The following EXOSC9 variants were observed in gnomAD, a reference collection of about 807,000 sequenced individuals.
EXOSC9 encodes exosome complex component RRP45.
A neutral mutation model predicts 56.5 loss-of-function variants in EXOSC9; 38 were observed. The observed-to-expected ratio is 0.67, with a 90% CI of 0.52 to 0.88. The LOEUF (loss-of-function observed/expected upper bound fraction) is 0.88, where lower values mean the gene tolerates loss of function less well. Among genes scored for constraint, EXOSC9 ranks in the 40% least tolerant of loss-of-function variants. The pLI is 0.00. For synonymous variants in EXOSC9, 170 were observed against 170.8 expected (o/e 0.99, Z 0.04); for missense variants, 559 against 530.5 (o/e 1.05, Z -0.53).
At chr4:121,816,189 C>T in intron 10 of EXOSC9, 180 bp from the exon 11 acceptor site, 1 of 648,098 alleles carries the variant, frequency 1.5e-6, no homozygotes. Flanking sequence ...GAGTTCCTGA[C>T]CTCAGGTAAT....
At chr4:121,813,449 T>A (rs898128724) in intron 9 of EXOSC9, 69 bp downstream of exon 9, 3 of 1,363,488 alleles carry the variant, frequency 2.2e-6, no homozygotes, top group Non-Finnish European at 3.1e-6. Context: ...TTAGGCTATA[T>A]GAAGGATGTG....
In EXOSC9 at chr4:121,816,852, A is replaced by G; in HGVS notation, c.1316A>G (p.Asn439Ser). Residue 439 changes from asparagine to serine, a missense_variant, in exon 12 of 12, where the codon AAT (asparagine) becomes AGT (serine). Coordinates refer to ENST00000243498, the MANE Select transcript of EXOSC9 (RefSeq NM_005033.3). ...AGAAGAAAAAAGAAGAGAGCTGCCA[A>G]TTAAAGCTAACAGTTGTATATCTGT... The part of the protein sequence containing the change: ...VKRRKKKRAA[N>S] 1 of 1,583,504 alleles carries G rather than the reference A, an allele frequency of 6.3e-7. No homozygotes were observed. The highest frequency in any genetic ancestry group is 8.6e-7 in the Non-Finnish European group (1 of 1,161,986).
At chr4:121,811,438 G>A in intron 7 of EXOSC9, 145 bp from the exon 8 acceptor site, 2 of 473,188 alleles carry the variant, frequency 4.2e-6, no homozygotes, top group Non-Finnish European at 7.6e-6. Context: ...TTCACATCTT[G>A]CCTTAATCTG....
rs1726899355 is a variant in EXOSC9 at position 121,802,590 on chromosome 4, A to G, written c.162-84A>G. 7.4e-6 allele frequency: 10 copies of G among 1,348,044 alleles called. No homozygotes were observed. The South Asian group carries it at 1.2e-4, about 16-fold the overall frequency. 83.5% of individuals were successfully genotyped at this position (1,348,044 alleles called of 1,614,324 possible). On this transcript the variant is annotated intron_variant, in intron 2 of 11. Coordinates refer to ENST00000243498, the MANE Select transcript of EXOSC9 (RefSeq NM_005033.3). ...GCTGAGTATGATATTACTCACATTA[A>G]GATTGAAACTTGTTATCTGTTTCAG...
At chr4:121,814,889 A>G (rs1479868015) in intron 10 of EXOSC9, 1 of 152,328 alleles carries the variant, frequency 6.6e-6, no homozygotes, top group Non-Finnish European at 1.5e-5. Flanking sequence ...GCTGGTCTAT[A>G]TAATAGAATG....
chr4:121,805,699 G>T (rs1726997850), intron 5 of EXOSC9, among the ~76,000 whole-genome samples: 1 of 152,120 alleles, frequency 6.6e-6, no homozygotes, highest in Admixed American at 6.5e-5. Flanking sequence ...TAGTGGGAAT[G>T]TAAAATGGTA....
intron 9 of EXOSC9, 71 bp from the exon 10 acceptor site, chr4:121,813,795 C>G: frequency 8.5e-7 from 1 of 1,169,690 alleles, no homozygotes; most frequent in Non-Finnish European, 1.2e-6. Context: ...AAGAAGAAAA[C>G]TTTCATTCTC....
chr4:121,808,252 G>A (rs1370232841), intron 6 of EXOSC9, among the ~76,000 whole-genome samples: 1 of 133,612 alleles, frequency 7.5e-6, no homozygotes, highest in Non-Finnish European at 1.7e-5. Context: ...ACAAGGACTA[G>A]AGAAACACTT....
At chr4:121,810,972 T>G (rs1727194315) in intron 7 of EXOSC9, among the ~76,000 whole-genome samples, 1 of 152,236 alleles carries the variant, frequency 6.6e-6, no homozygotes, top group Non-Finnish European at 1.5e-5. Flanking sequence ...CCCAGCTATA[T>G]ATCATATTCA....
intron 4 of EXOSC9, among the ~76,000 whole-genome samples, chr4:121,803,384 C>T (rs1578496908): frequency 6.6e-6 from 1 of 152,042 alleles, no homozygotes; most frequent in South Asian, 2.1e-4. Context: ...GGTAGTTTTC[C>T]TTTTTCATGC....
Position 121,801,340 on chromosome 4 carries a change from CG to C in EXOSC9, c.-81del, listed in dbSNP as rs1560620882. ...TTGATGACGTAATTTTCCTGCGCCT[CG>C]GGGCGAGCAGCGGCGCGCAAGGAAA... On this transcript the variant is annotated 5_prime_UTR_variant, in exon 1 of 12. Transcript: ENST00000243498. 7 of 1,351,060 alleles carry C rather than the reference CG, an allele frequency of 5.2e-6. No individual in the cohort carries two copies. The highest frequency in any genetic ancestry group is 6.4e-6 in the Non-Finnish European group (6 of 940,728). 83.7% of individuals were successfully genotyped at this position (1,351,060 alleles called of 1,614,324 possible). A position where few individuals can be genotyped will look rare whatever the true frequency, so the allele number is the denominator to read the frequency against.
chr4:121,802,167 CTAG>C, intron 2 of EXOSC9, among the ~76,000 whole-genome samples: 1 of 152,146 alleles, frequency 6.6e-6, no homozygotes, highest in East Asian at 1.9e-4. Context: ...GTATAGACAA[CTAG>C]TAGTGATCAT....
rs1480419592 is a variant in EXOSC9, at chr4:121,802,662, T to G, written c.162-12T>G. 2 of 1,611,584 alleles carry G rather than the reference T, an allele frequency of 1.2e-6. No homozygotes were observed. The highest frequency in any genetic ancestry group is 1.7e-6 in the Non-Finnish European group (2 of 1,179,450). On this transcript the variant is annotated splice_polypyrimidine_tract_variant and intron_variant, in intron 2 of 11. Coordinates refer to ENST00000243498, the MANE Select transcript of EXOSC9 (RefSeq NM_005033.3). ...TCTATTTGGTTAATACTTTGTAACTTTATCTTTGCAGAGTTCTTGGACAGG... is the reference window on the plus strand; with the variant it reads ...TCTATTTGGTTAATACTTTGTAACTGTATCTTTGCAGAGTTCTTGGACAGG...
At chr4:121,801,803 T>G (rs1726874083) in intron 1 of EXOSC9, 24 bp from the exon 2 acceptor site, 1 of 1,578,946 alleles carries the variant, frequency 6.3e-7, no homozygotes, top group Non-Finnish European at 8.7e-7. Flanking sequence ...AGGAATAAAT[T>G]AATGAATGAA....
At chr4:121,805,622 G>A (rs910401182) in intron 5 of EXOSC9, among the ~76,000 whole-genome samples, 58 of 151,998 alleles carry the variant, frequency 3.8e-4, no homozygotes, top group African/African-American at 1.4e-3. Context: ...ATATAAGGAA[G>A]TGAAAAAAAG....
chr4:121,802,476 T>C (rs1726895995), intron 2 of EXOSC9, among the ~76,000 whole-genome samples, 198 bp from the exon 3 acceptor site: 1 of 152,234 alleles, frequency 6.6e-6, no homozygotes. Context: ...AGGTGTTTTT[T>C]CTGTCGTGTT....
At chr4:121,802,012 T>C in intron 2 of EXOSC9, 91 bp downstream of exon 2, 1 of 909,666 alleles carries the variant, frequency 1.1e-6, no homozygotes, top group Non-Finnish European at 1.8e-6. Context: ...AGCTAAGAAG[T>C]CTGGACAGTA....
intron 8 of EXOSC9, among the ~76,000 whole-genome samples, chr4:121,812,647 T>C (rs1374651245): frequency 6.6e-6 from 1 of 152,168 alleles, no homozygotes; most frequent in African/African-American, 2.4e-5. Context: ...CATACCACCA[T>C]GCCCGGCTAA....
intron 8 of EXOSC9, among the ~76,000 whole-genome samples, chr4:121,812,590 A>C (rs1387829635): frequency 3.9e-5 from 6 of 152,152 alleles, no homozygotes; most frequent in Non-Finnish European, 7.4e-5. Context: ...TCATGGCTTC[A>C]AGTGATTCTC....
Sources: allele counts gnomAD v4.1 joint callset (sites outside exome capture counted in the v4.1 genomes callset), GRCh38; gene constraint gnomAD v4.1.1; transcripts MANE v1.5; gene names NCBI Gene and HGNC (gene_info 2026-07-23, HGNC 2026-07-21).